The following LATS2 variants were observed in gnomAD, a reference collection of about 807,000 sequenced individuals.
The protein encoded by LATS2 is large tumor suppressor kinase 2.
A neutral mutation model predicts 76.0 loss-of-function variants in LATS2; 24 were observed. The observed-to-expected ratio is 0.32, with a 90% CI of 0.23 to 0.44. LATS2 has a LOEUF of 0.44. LATS2 is among the 20% of genes least tolerant of loss of function. The pLI is 1.00. For missense variants in LATS2, 1,286 were observed against 1,481.2 expected (o/e 0.87, Z 2.16); for synonymous variants, 692 against 635.4 (o/e 1.09, Z -1.34).
intron 1 of LATS2, among the ~76,000 whole-genome samples, chr13:21,049,713 A>G (rs932934022): frequency 3.9e-5 from 6 of 152,174 alleles, no homozygotes; most frequent in Non-Finnish European, 7.3e-5. Flanking sequence ...TAAAGCCAGG[A>G]TGCAGGGATG....
intron 7 of LATS2, among the ~76,000 whole-genome samples, chr13:20,977,266 G>C (rs901126428): frequency 4.0e-5 from 6 of 151,824 alleles, no homozygotes; most frequent in African/African-American, 1.5e-4. Flanking sequence ...GTTGTGGCAG[G>C]CACCTGTAAT....
At chr13:21,014,883 T>C (rs1308978052) in intron 2 of LATS2, among the ~76,000 whole-genome samples, 1 of 152,262 alleles carries the variant, frequency 6.6e-6, no homozygotes, top group African/African-American at 2.4e-5. Flanking sequence ...TAAACTATTC[T>C]AAGATCTTGT....
intron 2 of LATS2, among the ~76,000 whole-genome samples, chr13:21,038,355 T>G (rs949561092): frequency 1.3e-5 from 2 of 152,070 alleles, no homozygotes; most frequent in Non-Finnish European, 2.9e-5. Context: ...TAGTTTAATA[T>G]ATAATTCCAT....
chr13:21,011,911 A>G (rs1459756071), intron 2 of LATS2, among the ~76,000 whole-genome samples: 1 of 152,240 alleles, frequency 6.6e-6, no homozygotes, highest in Non-Finnish European at 1.5e-5. Flanking sequence ...GTCCTCACTT[A>G]ACATCATCAT....
At chr13:21,052,106 G>A (rs755332165) in intron 1 of LATS2, among the ~76,000 whole-genome samples, 2 of 152,154 alleles carry the variant, frequency 1.3e-5, no homozygotes, top group Admixed American at 6.5e-5. Context: ...GCTCCTGCAC[G>A]GTACCAAGGG....
At chr13:20,998,835 G>A (rs990110974) in intron 2 of LATS2, among the ~76,000 whole-genome samples, 3 of 151,844 alleles carry the variant, frequency 2.0e-5, no homozygotes, top group Non-Finnish European at 4.4e-5. Context: ...GCGACATTGT[G>A]CACGCCGGGT....
chr13:20,975,210 A>G lies in LATS2; in HGVS notation c.2927T>C (p.Ile976Thr). The change falls in exon 8 of 8, where the codon ATT (isoleucine) becomes ACT (threonine). Residue 976 changes from isoleucine (I) to threonine (T), a missense_variant. Ile to Thr is a moderately conservative substitution (Grantham distance 89). Transcript: ENST00000382592. ...DLKAHPFFSA[I>T]DFSSDIRKQP... Reference sequence around the variant, plus strand: ...CTTCCGGATGTCACTGGAGAAGTCAATGGCGCTGAAGAAGGGGTGGGCCTT... The same window carrying G: ...CTTCCGGATGTCACTGGAGAAGTCAGTGGCGCTGAAGAAGGGGTGGGCCTT... 1.2e-6 allele frequency: 2 copies of G among 1,614,188 alleles called. No individual in the cohort carries two copies. The highest frequency in any genetic ancestry group is 1.7e-6 in the Non-Finnish European group (2 of 1,180,030).
At chr13:20,996,740 C>T (rs930000172) in intron 2 of LATS2, among the ~76,000 whole-genome samples, 1 of 152,272 alleles carries the variant, frequency 6.6e-6, no homozygotes, top group African/African-American at 2.4e-5. Context: ...CACTCCATAT[C>T]AAATTCAGCA....
rs1869437229 is a variant in LATS2 at position 20,973,559 on chromosome 13, T to TA, written c.*1310_*1311insT. The stretch of plus-strand genomic sequence containing the variant: ...GTATACACGCACATACATCTATACT[T>TA]CTAAGAAAATACGTATGGCTTACTT... On this transcript the variant is annotated 3_prime_UTR_variant, in exon 8 of 8. Coordinates refer to ENST00000382592, the MANE Select transcript of LATS2 (RefSeq NM_014572.3). 4.3e-6 allele frequency: 1 copy of TA among 232,698 alleles called. No individual in the cohort carries two copies. Among genetic ancestry groups the TA allele is most frequent in the South Asian group, 1.8e-4 (1 of 5,526 alleles). 14.4% of individuals were successfully genotyped at this position (232,698 alleles called of 1,614,324 possible). A position where few individuals can be genotyped will look rare whatever the true frequency, so the allele number is the denominator to read the frequency against.
At chr13:21,056,662 G>A (rs917853609) in intron 1 of LATS2, among the ~76,000 whole-genome samples, 1 of 152,090 alleles carries the variant, frequency 6.6e-6, no homozygotes, top group Non-Finnish European at 1.5e-5. Flanking sequence ...TTTTGGATAC[G>A]CTCCAGCTAG....
At chr13:20,995,300 T>C (rs1052869714) in intron 2 of LATS2, among the ~76,000 whole-genome samples, 1 of 152,236 alleles carries the variant, frequency 6.6e-6, no homozygotes, top group Non-Finnish European at 1.5e-5. Flanking sequence ...ACAATAATTA[T>C]ACAAAGAAAT....
At chr13:21,023,936 G>A (rs1189437290) in intron 2 of LATS2, among the ~76,000 whole-genome samples, 3 of 151,626 alleles carry the variant, frequency 2.0e-5, no homozygotes, top group African/African-American at 7.3e-5. Context: ...TCGCACCATT[G>A]CACTCCAGCC....
intron 2 of LATS2, among the ~76,000 whole-genome samples, chr13:21,016,834 G>C (rs1871818161): frequency 1.3e-5 from 2 of 152,140 alleles, no homozygotes; most frequent in African/African-American, 4.8e-5. Flanking sequence ...CACAACACCT[G>C]AACTAACTCT....
At chr13:21,037,559 C>T (rs971908349) in intron 2 of LATS2, among the ~76,000 whole-genome samples, 2 of 152,238 alleles carry the variant, frequency 1.3e-5, no homozygotes, top group African/African-American at 4.8e-5. Flanking sequence ...AACAAAGCCA[C>T]TGTCTCACAG....
rs1015422115 is a variant in LATS2, at chr13:20,973,638, A to G, written c.*1232T>C. ...TTGCTTTTTTACAAAGGTTAGGAAT[A>G]TGTATTGTTTAAACCAAGTTAAGAT... On this transcript the variant is annotated 3_prime_UTR_variant, in exon 8 of 8. Transcript: ENST00000382592. 4 of 231,624 alleles carry G rather than the reference A, an allele frequency of 1.7e-5. No individual in the cohort carries two copies. The highest frequency in any genetic ancestry group is 2.6e-5 in the Non-Finnish European group (3 of 116,944). 14.3% of individuals were successfully genotyped at this position (231,624 alleles called of 1,614,324 possible).
rs1442693568 is a variant in LATS2, at chr13:21,007,551, A to G, written c.343-16147T>C. 5.2e-3 allele frequency among the ~76,000 whole-genome samples: 55 copies of G among 10,522 alleles called. 5 individuals are homozygous for G. In the East Asian group the frequency reaches 0.15, roughly 28 times the overall value. 6.9% of individuals were successfully genotyped at this position (10,522 alleles called of 152,430 possible). ...GGATGGATATATATATATAGTATAT[A>G]TATATATATATATATATATATATAT... On this transcript the variant is annotated intron_variant, in intron 2 of 7. Coordinates refer to ENST00000382592, the MANE Select transcript of LATS2 (RefSeq NM_014572.3).
rs528340100 is a variant in LATS2, at chr13:21,011,872, C to G, written c.343-20468G>C. Among the ~76,000 whole-genome samples, 3 of 152,342 alleles carry G rather than the reference C, an allele frequency of 2.0e-5. No homozygotes were observed. The South Asian group carries it at 6.2e-4, about 32-fold the overall frequency. On this transcript the variant is annotated intron_variant, in intron 2 of 7. Transcript: ENST00000382592. Reference sequence around the variant, plus strand: ...TACACACCTAGGCTAGATGGTATAGCATATTGTTCCTGGCTACAAACCAGT... The same window carrying G: ...TACACACCTAGGCTAGATGGTATAGGATATTGTTCCTGGCTACAAACCAGT...
intron 2 of LATS2, among the ~76,000 whole-genome samples, chr13:21,039,706 A>T (rs1872800644): frequency 6.6e-6 from 1 of 152,216 alleles, no homozygotes; most frequent in Non-Finnish European, 1.5e-5. Context: ...TGCCTAAGAC[A>T]GGGAGAGCAA....
At chr13:21,050,772 G>A (rs1173727923) in intron 1 of LATS2, among the ~76,000 whole-genome samples, 1 of 152,216 alleles carries the variant, frequency 6.6e-6, no homozygotes, top group Admixed American at 6.5e-5. Context: ...GCTGAAGAGC[G>A]ACTGGCAGAG....
Sources: gnomAD v4.1 joint callset for allele counts (sites outside exome capture counted in the v4.1 genomes callset) on GRCh38, gnomAD v4.1.1 for gene constraint, MANE v1.5 for transcripts, NCBI Gene and HGNC (gene_info 2026-07-23, HGNC 2026-07-21) for gene names.